The following ARL15 variants were observed in gnomAD, a reference collection of about 807,000 sequenced individuals.
ARL15 encodes the protein ARF like GTPase 15, also known as ADP-ribosylation factor-like protein 15.
A neutral mutation model predicts 25.2 loss-of-function variants in ARL15; 19 were observed. That is an observed-to-expected ratio of 0.75 (90% CI 0.53 to 1.10). The LOEUF (loss-of-function observed/expected upper bound fraction) is 1.10, where lower values mean the gene tolerates loss of function less well. Among genes scored for constraint, ARL15 ranks in the 50% least tolerant of loss-of-function variants. The pLI is 0.00. For synonymous variants in ARL15, 94 were observed against 86.8 expected, an observed-to-expected ratio of 1.08 and a Z score of -0.46; for missense variants, 220 against 246.0, an observed-to-expected ratio of 0.89 and a Z score of 0.71.
intron 4 of ARL15, among the ~76,000 whole-genome samples, chr5:54,096,628 C>G (rs1450005312): frequency 6.6e-6 from 1 of 152,166 alleles, no homozygotes; most frequent in African/African-American, 2.4e-5. Flanking sequence ...CCAGGTTGGT[C>G]TCAAACTCCT....
intron 4 of ARL15, among the ~76,000 whole-genome samples, chr5:54,065,827 C>T (rs6892054): frequency 0.18 from 27,694 of 150,432 alleles, 3,347 homozygotes; most frequent in African/African-American, 0.36. Context: ...GTACTGATTA[C>T]ATACAAATGT....
intron 3 of ARL15, among the ~76,000 whole-genome samples, chr5:54,135,940 A>C (rs1454135292): frequency 6.6e-6 from 1 of 152,192 alleles, no homozygotes; most frequent in African/African-American, 2.4e-5. Context: ...CCACTGCAGC[A>C]AATGCACCCA....
At chr5:54,060,129 TAAA>T (rs1165458695) in intron 4 of ARL15, among the ~76,000 whole-genome samples, 29 of 77,570 alleles carry the variant, frequency 3.7e-4, no homozygotes, top group South Asian at 5.3e-4. Context: ...ATCTGATGAC[TAAA>T]AAAAAAAAAA....
Position 54,150,776 on chromosome 5 carries a change from C to T in ARL15, c.253+3804G>A, listed in dbSNP as rs143939484. Among the ~76,000 whole-genome samples, 826 of 149,186 alleles carry T rather than the reference C, an allele frequency of 5.5e-3. 6 individuals are homozygous for T. The highest frequency in any genetic ancestry group is 0.019 in the African/African-American group (785 of 40,528). On this transcript the variant is annotated intron_variant, in intron 3 of 4. Transcript: ENST00000504924. The stretch of plus-strand genomic sequence containing the variant: ...TTGCACCACTGCATTCCATCCTGGG[C>T]AACGGAGCAAGACTCTGTCTCAAAA...
intron 4 of ARL15, among the ~76,000 whole-genome samples, chr5:54,092,449 A>AT (rs1449565629): frequency 6.6e-6 from 1 of 152,188 alleles, no homozygotes; most frequent in East Asian, 1.9e-4. Context: ...GGAATGTACA[A>AT]TTTTTTAATT....
chr5:54,011,061 T>C (rs1249920566), intron 4 of ARL15, among the ~76,000 whole-genome samples: 1 of 151,314 alleles, frequency 6.6e-6, no homozygotes, highest in East Asian at 1.9e-4. Flanking sequence ...AGTGAAGTGA[T>C]AAAAGGCCAA....
intron 4 of ARL15, among the ~76,000 whole-genome samples, chr5:54,072,662 T>C (rs1751465033): frequency 6.6e-6 from 1 of 152,196 alleles, no homozygotes; most frequent in Non-Finnish European, 1.5e-5. Context: ...CACAGTGCCA[T>C]ACCCCATGTG....
intron 1 of ARL15, among the ~76,000 whole-genome samples, chr5:54,218,595 G>A (rs1449897441): frequency 5.3e-5 from 8 of 152,114 alleles, no homozygotes; most frequent in South Asian, 2.1e-4. Context: ...CTGGATTCCC[G>A]CGGTAGCATA....
At chr5:54,198,324 G>A (rs1755615840) in intron 1 of ARL15, among the ~76,000 whole-genome samples, 1 of 152,112 alleles carries the variant, frequency 6.6e-6, no homozygotes, top group Non-Finnish European at 1.5e-5. Context: ...GGAAATAAAG[G>A]GTATTCAATT....
At position 54,124,723 on chromosome 5, in the gene ARL15, C is replaced by G. The variant is rs1753190257; in HGVS notation, c.254-11313G>C. On this transcript the variant is annotated intron_variant, in intron 3 of 4. Coordinates refer to ENST00000504924, the MANE Select transcript of ARL15 (RefSeq NM_019087.3). ...AAGCCAGAAACCACATATTTTCTTT[C>G]TTTATACTTGCCATAATGGCATCAT... Among the ~76,000 whole-genome samples the G allele has an allele frequency of 2.0e-5, 3 of 152,144 alleles. No individual in the cohort carries two copies. The South Asian group carries it at 6.2e-4, about 31-fold the overall frequency.
intron 4 of ARL15, among the ~76,000 whole-genome samples, chr5:53,954,544 A>G (rs2094096223): frequency 6.6e-6 from 1 of 152,190 alleles, no homozygotes; most frequent in Non-Finnish European, 1.5e-5. Context: ...CATGTCTGCC[A>G]CAGAACAGTT....
chr5:54,272,064 T>G (rs1052767913), intron 1 of ARL15, among the ~76,000 whole-genome samples: 4 of 148,706 alleles, frequency 2.7e-5, no homozygotes, highest in African/African-American at 9.8e-5. Flanking sequence ...CTGTCTCAGC[T>G]TCCTGAATAG....
Position 54,242,604 on chromosome 5 carries a change from G to C in ARL15, c.48+67828C>G, listed in dbSNP as rs75112143. ...CAAATATTTTCTTGGAAGGGTTGCTGAGAGGCCAGAATGCAAACGCAGAGC... is the reference window on the plus strand; with the variant it reads ...CAAATATTTTCTTGGAAGGGTTGCTCAGAGGCCAGAATGCAAACGCAGAGC... On this transcript the variant is annotated intron_variant, in intron 1 of 4. Transcript: ENST00000504924. 2.8e-3 allele frequency among the ~76,000 whole-genome samples: 419 copies of C among 152,268 alleles called. 5 individuals are homozygous for C. The highest frequency in any genetic ancestry group is 0.026 in the East Asian group (134 of 5,176).
rs574985644 is a variant in ARL15 at position 54,203,610 on chromosome 5, T to A, written c.49-31682A>T. 5.9e-5 allele frequency among the ~76,000 whole-genome samples: 9 copies of A among 152,304 alleles called. No homozygotes were observed. In the South Asian group the frequency reaches 1.9e-3, roughly 32 times the overall value. ...TTTTATAAAATTATATTTTGGGAGA[T>A]CTCCATGTCACATACACAAGCTTCT... On this transcript the variant is annotated intron_variant, in intron 1 of 4. Transcript: ENST00000504924.
At chr5:54,063,827 T>C (rs1751136755) in intron 4 of ARL15, among the ~76,000 whole-genome samples, 1 of 152,178 alleles carries the variant, frequency 6.6e-6, no homozygotes, top group Non-Finnish European at 1.5e-5. Context: ...TTGGGAGGTG[T>C]TTAAAGCTTT....
chr5:54,080,781 C>T (rs904729940), intron 4 of ARL15, among the ~76,000 whole-genome samples: 1 of 152,150 alleles, frequency 6.6e-6, no homozygotes, highest in African/African-American at 2.4e-5. Flanking sequence ...AATGTCACAA[C>T]AGAGGAGTGA....
intron 1 of ARL15, among the ~76,000 whole-genome samples, chr5:54,308,929 A>G (rs2112729737): frequency 6.6e-6 from 1 of 152,366 alleles, no homozygotes; most frequent in East Asian, 1.9e-4. Context: ...CCTACTTGGT[A>G]ATTATCCCAA....
intron 4 of ARL15, among the ~76,000 whole-genome samples, chr5:54,105,723 CA>C (rs765807806): frequency 5.9e-5 from 9 of 152,136 alleles, no homozygotes; most frequent in Non-Finnish European, 1.0e-4. Flanking sequence ...GCTGGGACTA[CA>C]GGGGCGCGCC....
At chr5:54,060,189 C>G (rs964714952) in intron 4 of ARL15, among the ~76,000 whole-genome samples, 1 of 148,702 alleles carries the variant, frequency 6.7e-6, no homozygotes, top group African/African-American at 2.5e-5. Context: ...AATCCCAGCA[C>G]TTTGGGAGGC....
Sources: gnomAD v4.1 joint callset for allele counts (sites outside exome capture counted in the v4.1 genomes callset) on GRCh38, gnomAD v4.1.1 for gene constraint, MANE v1.5 for transcripts, NCBI Gene and HGNC (gene_info 2026-07-23, HGNC 2026-07-21) for gene names.